The following CSNK1G1 variants were observed in gnomAD, a reference collection of about 807,000 sequenced individuals.
The protein encoded by CSNK1G1 is casein kinase 1 gamma 1.
A neutral mutation model predicts 59.6 loss-of-function variants in CSNK1G1; 22 were observed. The observed-to-expected ratio is 0.37, with a 90% CI of 0.26 to 0.53. CSNK1G1 has a LOEUF of 0.53. Among genes scored for constraint, CSNK1G1 ranks in the 20% least tolerant of loss-of-function variants. The probability of loss-of-function intolerance (pLI) is 0.89; values close to 1 mark genes in which losing one functional copy is unlikely to be tolerated. For synonymous variants in CSNK1G1, 179 were observed against 177.1 expected, an observed-to-expected ratio of 1.01 and a Z score of -0.08; for missense variants, 384 against 519.5, an observed-to-expected ratio of 0.74 and a Z score of 2.54.
At chr15:64,350,231 C>A (rs996298796) in intron 1 of CSNK1G1, among the ~76,000 whole-genome samples, 2 of 152,246 alleles carry the variant, frequency 1.3e-5, no homozygotes. Flanking sequence ...CGGTGGCTCA[C>A]ACCTGTAATC....
chr15:64,286,393 T>C (rs1417388351), intron 2 of CSNK1G1, among the ~76,000 whole-genome samples: 1 of 152,104 alleles, frequency 6.6e-6, no homozygotes, highest in African/African-American at 2.4e-5. Context: ...CAATATATTG[T>C]TAACTCATAT....
intron 2 of CSNK1G1, among the ~76,000 whole-genome samples, chr15:64,277,225 G>A (rs988519956): frequency 2.0e-5 from 3 of 152,152 alleles, no homozygotes; most frequent in Admixed American, 2.0e-4. Context: ...AAAACTTTGG[G>A]AGGTCAAGGT....
rs537674091 is a variant in CSNK1G1, at chr15:64,201,895, A to T, written c.1107+1187T>A. 7.2e-5 allele frequency among the ~76,000 whole-genome samples: 11 copies of T among 152,320 alleles called. No homozygotes were observed. The South Asian group carries it at 2.1e-3, about 29-fold the overall frequency. On this transcript the variant is annotated intron_variant, in intron 10 of 11. Coordinates refer to ENST00000303052, the MANE Select transcript of CSNK1G1 (RefSeq NM_022048.5). ...TAATTTGATATGTGATAATTATTTT[A>T]AAAATATGTAATCTGTTTATTATGC...
intron 7 of CSNK1G1, among the ~76,000 whole-genome samples, chr15:64,207,073 C>A (rs1185008083): frequency 6.6e-6 from 1 of 152,044 alleles, no homozygotes; most frequent in Non-Finnish European, 1.5e-5. Flanking sequence ...AAAAGCAGCA[C>A]TGTCAAGCCT....
intron 4 of CSNK1G1, among the ~76,000 whole-genome samples, chr15:64,231,407 A>G (rs1416513181): frequency 6.8e-6 from 1 of 147,194 alleles, no homozygotes; most frequent in Non-Finnish European, 1.5e-5. Context: ...TCTTGCTCAT[A>G]TATGTATATG....
chr15:64,172,028 A>AGC, intron 11 of CSNK1G1, 43 bp from the exon 12 acceptor site: 2 of 1,564,820 alleles, frequency 1.3e-6, no homozygotes, highest in South Asian at 2.2e-5. Context: ...GGAGGCCTGC[A>AGC]GCTTCCAGCA....
intron 1 of CSNK1G1, chr15:64,335,979 T>C (rs997560784): frequency 7.2e-5 from 11 of 152,292 alleles, no homozygotes; most frequent in African/African-American, 2.4e-4. Context: ...GCCTAACACA[T>C]AGTATAACAG....
chr15:64,196,184 T>A (rs1388404921), intron 10 of CSNK1G1, among the ~76,000 whole-genome samples: 1 of 152,008 alleles, frequency 6.6e-6, no homozygotes, highest in Non-Finnish European at 1.5e-5. Context: ...GCCACTACAC[T>A]CTATCCTGAG....
chr15:64,353,880 A>G (rs918754650), intron 1 of CSNK1G1, among the ~76,000 whole-genome samples: 17 of 152,346 alleles, frequency 1.1e-4, no homozygotes, highest in Middle Eastern at 3.4e-3. Flanking sequence ...ATTTATTTCT[A>G]TATCGTAATA....
At chr15:64,190,105 C>T in intron 10 of CSNK1G1, among the ~76,000 whole-genome samples, 1 of 152,116 alleles carries the variant, frequency 6.6e-6, no homozygotes, top group Non-Finnish European at 1.5e-5. Flanking sequence ...CAGGCGTGAG[C>T]CACCACGCCT....
Position 64,186,613 on chromosome 15 carries a change from G to C in CSNK1G1, c.1108-6159C>G, listed in dbSNP as rs147900343. ...CAGCCTCAAACTCCTGGGCTCAAGC[G>C]ATCCTCCCGCCTAAGCCTTCCTGGC... On this transcript the variant is annotated intron_variant, in intron 10 of 11. Coordinates refer to ENST00000303052, the MANE Select transcript of CSNK1G1 (RefSeq NM_022048.5). Among the ~76,000 whole-genome samples, 431 of 152,206 alleles carry C rather than the reference G, an allele frequency of 2.8e-3. 1 individual carries two copies. The highest frequency in any genetic ancestry group is 3.4e-3 in the Non-Finnish European group (233 of 68,020).
intron 4 of CSNK1G1, among the ~76,000 whole-genome samples, chr15:64,242,915 GA>G (rs1242844810): frequency 2.4e-4 from 37 of 152,072 alleles, no homozygotes; most frequent in African/African-American, 8.5e-4. Context: ...AGGGATGCAA[GA>G]ATGATTCAAC....
chr15:64,332,932 G>A (rs1282759793), intron 1 of CSNK1G1, among the ~76,000 whole-genome samples: 2 of 152,220 alleles, frequency 1.3e-5, no homozygotes, highest in East Asian at 3.9e-4. Context: ...AGAAAGTTTG[G>A]AAAACTGATT....
chr15:64,205,401 G>GA (rs1190966187), intron 7 of CSNK1G1, among the ~76,000 whole-genome samples: 6 of 151,742 alleles, frequency 4.0e-5, no homozygotes, highest in African/African-American at 1.5e-4. Flanking sequence ...ACTTTGAACA[G>GA]AAAAAAAACA....
At chr15:64,331,964 C>T (rs1221990912) in intron 1 of CSNK1G1, among the ~76,000 whole-genome samples, 5 of 151,788 alleles carry the variant, frequency 3.3e-5, no homozygotes, top group Admixed American at 2.6e-4. Context: ...CAAATCAAAA[C>T]CACAATGAGA....
At chr15:64,247,495 T>C (rs1891821783) in intron 4 of CSNK1G1, among the ~76,000 whole-genome samples, 1 of 152,218 alleles carries the variant, frequency 6.6e-6, no homozygotes, top group Non-Finnish European at 1.5e-5. Context: ...TTGAAAATCT[T>C]GGTGGTAAAA....
At chr15:64,219,782 T>C (rs1027298309) in intron 4 of CSNK1G1, among the ~76,000 whole-genome samples, 8 of 150,174 alleles carry the variant, frequency 5.3e-5, no homozygotes, top group South Asian at 2.1e-4. Context: ...CTTTTCTTTT[T>C]TTTTTTTTTT....
chr15:64,298,355 A>C (rs1439326418), intron 2 of CSNK1G1, among the ~76,000 whole-genome samples: 1 of 152,254 alleles, frequency 6.6e-6, no homozygotes, highest in Non-Finnish European at 1.5e-5. Flanking sequence ...ATGGATGTTT[A>C]TGTCATAATT....
intron 2 of CSNK1G1, among the ~76,000 whole-genome samples, chr15:64,278,018 A>C (rs1893840700): frequency 6.9e-6 from 1 of 145,296 alleles, no homozygotes; most frequent in East Asian, 2.0e-4. Flanking sequence ...TATTTGAATA[A>C]TATATTAATA....
Sources: gnomAD v4.1 joint callset for allele counts (sites outside exome capture counted in the v4.1 genomes callset) on GRCh38, gnomAD v4.1.1 for gene constraint, MANE v1.5 for transcripts, NCBI Gene and HGNC (gene_info 2026-07-23, HGNC 2026-07-21) for gene names.